The following FRMD4B variants were observed in gnomAD, a reference collection of about 807,000 sequenced individuals.
FRMD4B encodes FERM domain containing 4B, also known as FERM domain-containing protein 4B.
In FRMD4B, 74 loss-of-function variants were observed where a neutral mutation model predicts 141.5. The ratio of observed to expected loss-of-function variants is 0.52; its 90% confidence interval spans 0.43 to 0.63. FRMD4B has a LOEUF of 0.63. Ranked by LOEUF, FRMD4B falls within the 30% of genes least tolerant of loss-of-function variation. The pLI, the probability that FRMD4B is intolerant of heterozygous loss-of-function variation, is 0.00. For missense variants in FRMD4B, 1,366 were observed against 1,253.4 expected (o/e 1.09, Z -1.36); for synonymous variants, 506 against 467.9 (o/e 1.08, Z -1.05).
At chr3:69,238,310 T>G (rs1225743838) in intron 7 of FRMD4B, among the ~76,000 whole-genome samples, 1 of 152,332 alleles carries the variant, frequency 6.6e-6, no homozygotes, top group African/African-American at 2.4e-5. Context: ...CGGTTTGGCC[T>G]TTAGAACTGC....
intron 21 of FRMD4B, among the ~76,000 whole-genome samples, chr3:69,178,302 T>G (rs1318017864): frequency 6.6e-6 from 1 of 151,032 alleles, no homozygotes; most frequent in African/African-American, 2.4e-5. Context: ...AGGTGTTGAC[T>G]AACAGATGTA....
upstream of FRMD4B, among the ~76,000 whole-genome samples, chr3:69,387,188 T>C (rs1014571998): frequency 2.6e-5 from 4 of 152,346 alleles, no homozygotes; most frequent in East Asian, 7.7e-4. Flanking sequence ...TGGAGAGCAG[T>C]GACTCAATCA....
At chr3:69,422,265 T>G (rs1429651231) in intron 2 of FRMD4B, among the ~76,000 whole-genome samples, 2 of 151,888 alleles carry the variant, frequency 1.3e-5, no homozygotes, top group East Asian at 3.9e-4. Context: ...TGGTGGCATG[T>G]GCCTGTAGTC....
chr3:69,330,644 C>T (rs1347803202), intron 1 of FRMD4B, among the ~76,000 whole-genome samples: 18 of 151,028 alleles, frequency 1.2e-4, no homozygotes, highest in African/African-American at 3.7e-4. Flanking sequence ...TGTGCCTGGC[C>T]GCCTTTTTTT....
intron 2 of FRMD4B, among the ~76,000 whole-genome samples, chr3:69,400,564 C>T (rs933401498): frequency 6.6e-6 from 1 of 152,176 alleles, no homozygotes; most frequent in Non-Finnish European, 1.5e-5. Context: ...ACAAGACAAA[C>T]ACCACTGGGG....
chr3:69,279,510 G>A (rs1017382652), intron 5 of FRMD4B, among the ~76,000 whole-genome samples: 1 of 152,010 alleles, frequency 6.6e-6, no homozygotes. Flanking sequence ...TCCAGGCTGG[G>A]GTGCAGTGAC....
intron 19 of FRMD4B, among the ~76,000 whole-genome samples, chr3:69,184,774 G>A (rs950362268): frequency 1.3e-5 from 2 of 152,170 alleles, no homozygotes; most frequent in African/African-American, 4.8e-5. Flanking sequence ...AAAATGTTCC[G>A]GGTCTGTTCT....
rs1553691418 is a variant in FRMD4B, at chr3:69,169,353, C to CTTCCTTTTTTT, written c.*2507_*2508insAAAAAAAGGAA. ...AGGATTGCTGAACTTCCATTTCTTT[C>CTTCCTTTTTTT]TTTTTTTTTTTTTTTTTTTTTTCTT... On this transcript the variant is annotated 3_prime_UTR_variant, in exon 23 of 23. Coordinates refer to ENST00000398540, the MANE Select transcript of FRMD4B (RefSeq NM_015123.3). Among the ~76,000 whole-genome samples the CTTCCTTTTTTT allele has an allele frequency of 1.4e-4, 4 of 29,286 alleles. 1 individual carries two copies. Among genetic ancestry groups the CTTCCTTTTTTT allele is most frequent in the Non-Finnish European group, 3.6e-4 (2 of 5,488 alleles). The allele number at this position is 29,286 out of a possible 152,430, so 19.2% of individuals were successfully genotyped here.
At chr3:69,478,054 C>G (rs1706033324) in intron 1 of FRMD4B, among the ~76,000 whole-genome samples, 1 of 152,022 alleles carries the variant, frequency 6.6e-6, no homozygotes, top group South Asian at 2.1e-4. Context: ...GGTGATATCC[C>G]CTTTATCATT....
At chr3:69,511,353 A>G (rs1473779021) in intron 1 of FRMD4B, among the ~76,000 whole-genome samples, 1 of 152,200 alleles carries the variant, frequency 6.6e-6, no homozygotes, top group East Asian at 1.9e-4. Flanking sequence ...AAAATGTGCC[A>G]GCCACTATGC....
chr3:69,455,502 C>A (rs950258418), intron 1 of FRMD4B, among the ~76,000 whole-genome samples: 1 of 152,104 alleles, frequency 6.6e-6, no homozygotes, highest in Non-Finnish European at 1.5e-5. Context: ...TGAAGGTCTG[C>A]AGCTTCCCTT....
chr3:69,296,259 C>T (rs780730020), intron 4 of FRMD4B, among the ~76,000 whole-genome samples: 3 of 152,106 alleles, frequency 2.0e-5, no homozygotes, highest in Non-Finnish European at 4.4e-5. Flanking sequence ...AACACAGGCA[C>T]ACCCACCAAA....
rs543531565 is a variant in FRMD4B at position 69,498,960 on chromosome 3, T to C, written c.-129+43246A>G. 2.0e-5 allele frequency among the ~76,000 whole-genome samples: 3 copies of C among 152,312 alleles called. No individual in the cohort carries two copies. The South Asian group carries it at 6.2e-4, about 32-fold the overall frequency. On this transcript the variant is annotated intron_variant, in intron 1 of 5. Coordinates refer to the FRMD4B transcript ENST00000459638. ...GATAACTAAGCAAAAAACAATATAA[T>C]TTAATATCATGAAAAATAAAACAGG...
intron 1 of FRMD4B, among the ~76,000 whole-genome samples, chr3:69,335,153 T>A (rs1487990486): frequency 2.6e-5 from 4 of 152,056 alleles, no homozygotes; most frequent in Admixed American, 2.6e-4. Context: ...TCAGCTTGGG[T>A]GACAGAGTGA....
chr3:69,187,746 C>A (rs1321829625), intron 19 of FRMD4B, 24 bp downstream of exon 19: 1 of 1,595,936 alleles, frequency 6.3e-7, no homozygotes, highest in Non-Finnish European at 8.5e-7. Context: ...GGGCATTAAC[C>A]TTACTGATGA....
chr3:69,337,133 G>A (rs1429850667), intron 1 of FRMD4B, among the ~76,000 whole-genome samples: 2 of 152,058 alleles, frequency 1.3e-5, no homozygotes, highest in East Asian at 3.9e-4. Flanking sequence ...ACAGAACAGA[G>A]CTCTCAGAAA....
At chr3:69,206,109 T>C (rs1449588799) in intron 11 of FRMD4B, among the ~76,000 whole-genome samples, 1 of 152,046 alleles carries the variant, frequency 6.6e-6, no homozygotes, top group East Asian at 1.9e-4. Context: ...TCCAGTACTT[T>C]GGGAGGCCGG....
chr3:69,349,165 T>C (rs1271405831), intron 1 of FRMD4B, among the ~76,000 whole-genome samples: 1 of 152,092 alleles, frequency 6.6e-6, no homozygotes, highest in Non-Finnish European at 1.5e-5. Context: ...CACAAGCATT[T>C]TTATACACCA....
At chr3:69,367,432 T>A (rs1028686733) in intron 1 of FRMD4B, among the ~76,000 whole-genome samples, 2 of 152,162 alleles carry the variant, frequency 1.3e-5, no homozygotes, top group African/African-American at 4.8e-5. Flanking sequence ...CTTGCATATA[T>A]CCATAACAAT....
Sources: allele counts gnomAD v4.1 joint callset (sites outside exome capture counted in the v4.1 genomes callset), GRCh38; gene constraint gnomAD v4.1.1; transcripts MANE v1.5; gene names NCBI Gene and HGNC (gene_info 2026-07-23, HGNC 2026-07-21).